Variants in STIM1 observed in about 807,000 individuals in gnomAD.
The protein encoded by STIM1 is stromal interaction molecule 1.
A neutral mutation model predicts 74.7 loss-of-function variants in STIM1; 25 were observed. The observed-to-expected ratio is 0.33, with a 90% CI of 0.24 to 0.47. STIM1 has a LOEUF of 0.47. STIM1 is among the 20% of genes least tolerant of loss of function. STIM1 has a pLI of 1.00. For synonymous variants in STIM1, 328 were observed against 348.8 expected (o/e 0.94, Z 0.66); for missense variants, 728 against 920.8 (o/e 0.79, Z 2.71).
At chr11:3,973,986 A>T in intron 2 of STIM1, 1 of 671,582 alleles carries the variant, frequency 1.5e-6, no homozygotes, top group Non-Finnish European at 2.7e-6. Flanking sequence ...TCTTCTCTTG[A>T]TACAGCTCTT....
At chr11:4,078,342 CTG>C (rs1565169278) in intron 7 of STIM1, among the ~76,000 whole-genome samples, 1 of 152,190 alleles carries the variant, frequency 6.6e-6, no homozygotes, top group African/African-American at 2.4e-5. Context: ...CCCTGAAAGA[CTG>C]TGAGAGATGC....
In STIM1 at chr11:4,093,062, C is replaced by A. The variant is rs538191029; in HGVS notation, c.*1264C>A. ...CTTTATCCTGGGATCCTATTTTGGG[C>A]CTGGGGTGGGTATACCTGGGGCTGG... is the stretch of plus-strand genomic sequence containing the variant. On this transcript the variant is annotated 3_prime_UTR_variant, in exon 13 of 13. Transcript: ENST00000526596. 4 of 151,850 alleles carry A rather than the reference C, an allele frequency of 2.6e-5. No individual in the cohort carries two copies. The highest frequency in any genetic ancestry group is 9.7e-5 in the African/African-American group (4 of 41,310). The allele number at this position is 151,850 out of a possible 1,614,324, so 9.4% of individuals were successfully genotyped here. A position where few individuals can be genotyped will look rare whatever the true frequency, so the allele number is the denominator to read the frequency against.
chr11:3,917,090 C>A (rs377102107), intron 1 of STIM1, among the ~76,000 whole-genome samples: 7 of 152,286 alleles, frequency 4.6e-5, no homozygotes, highest in South Asian at 2.1e-4. Context: ...GGATGCCAGT[C>A]AGTTGAGTGA....
chr11:4,004,397 A>G (rs1264909632), intron 2 of STIM1, among the ~76,000 whole-genome samples: 2 of 149,718 alleles, frequency 1.3e-5, no homozygotes, highest in Non-Finnish European at 3.0e-5. Context: ...GATGTAGATC[A>G]ATGGAACAGA....
rs546718533 is a variant in STIM1 at position 3,982,770 on chromosome 11, A to T, written c.270+15088A>T. 2.6e-5 allele frequency among the ~76,000 whole-genome samples: 4 copies of T among 152,306 alleles called. No homozygotes were observed. In the South Asian group the frequency reaches 8.3e-4, roughly 32 times the overall value. ...TATGGGGTTTTATACTACAATTAGT[A>T]TGTGAATTAAATCTCAATAAATATG... On this transcript the variant is annotated intron_variant, in intron 2 of 12. Transcript: ENST00000526596.
chr11:4,057,754 C>T (rs1014174240), intron 4 of STIM1, among the ~76,000 whole-genome samples: 2 of 151,840 alleles, frequency 1.3e-5, no homozygotes, highest in African/African-American at 4.8e-5. Flanking sequence ...CCTGTAGTCC[C>T]AGCTACTCGG....
intron 1 of STIM1, among the ~76,000 whole-genome samples, chr11:3,948,150 C>T (rs1565124770): frequency 6.6e-6 from 1 of 152,082 alleles, no homozygotes; most frequent in Admixed American, 6.6e-5. Context: ...ACTTATAGGG[C>T]GCGGAGTAGT....
intron 5 of STIM1, among the ~76,000 whole-genome samples, chr11:4,068,947 A>C (rs1355722821): frequency 2.0e-5 from 3 of 152,206 alleles, no homozygotes; most frequent in Non-Finnish European, 2.9e-5. Context: ...GGATCATGCC[A>C]GTCCTACCTC....
chr11:3,902,596 C>T (rs555415237), intron 1 of STIM1, among the ~76,000 whole-genome samples: 14 of 152,312 alleles, frequency 9.2e-5, no homozygotes, highest in African/African-American at 3.1e-4. Flanking sequence ...TGACAGGAGG[C>T]GGAGCTCAGG....
chr11:4,049,667 A>G (rs1357307821), intron 3 of STIM1: 1 of 150,446 alleles, frequency 6.6e-6, no homozygotes, highest in African/African-American at 2.5e-5. Context: ...CTCTGTATGA[A>G]GGCTTCCAGC....
chr11:4,071,896 AT>A (rs2094405963), intron 6 of STIM1, among the ~76,000 whole-genome samples: 1 of 152,136 alleles, frequency 6.6e-6, no homozygotes, highest in Non-Finnish European at 1.5e-5. Flanking sequence ...TAGCAGACTT[AT>A]TGGATTTATT....
intron 2 of STIM1, among the ~76,000 whole-genome samples, chr11:3,969,468 C>G (rs777270342): frequency 3.9e-5 from 6 of 152,128 alleles, no homozygotes; most frequent in Non-Finnish European, 8.8e-5. Context: ...GGCAACAGAG[C>G]AAGACCCTGT....
chr11:3,970,383 A>C (rs116525168), intron 2 of STIM1, among the ~76,000 whole-genome samples: 2 of 152,142 alleles, frequency 1.3e-5, no homozygotes, highest in Non-Finnish European at 2.9e-5. Flanking sequence ...AGAAAGTACC[A>C]AAATGTGTGT....
At chr11:3,962,292 C>G (rs2093294910) in intron 1 of STIM1, among the ~76,000 whole-genome samples, 2 of 152,104 alleles carry the variant, frequency 1.3e-5, no homozygotes, top group South Asian at 4.1e-4. Context: ...TCCATGTCCC[C>G]CTATACACAT....
At chr11:3,881,103 A>G (rs2091482296) in intron 1 of STIM1, among the ~76,000 whole-genome samples, 1 of 151,822 alleles carries the variant, frequency 6.6e-6, no homozygotes, top group Non-Finnish European at 1.5e-5. Flanking sequence ...AAAAAAAAAA[A>G]AAAAAGGAAA....
intron 1 of STIM1, among the ~76,000 whole-genome samples, chr11:3,962,338 G>A (rs1237404837): frequency 6.6e-6 from 1 of 152,074 alleles, no homozygotes; most frequent in Admixed American, 6.6e-5. Flanking sequence ...AATATGTGAT[G>A]TTTGATTTTC....
intron 1 of STIM1, among the ~76,000 whole-genome samples, chr11:3,940,466 A>C (rs546569830): frequency 2.6e-5 from 4 of 152,322 alleles, no homozygotes; most frequent in African/African-American, 9.6e-5. Context: ...TGGCAAGTTA[A>C]CATAATTCTC....
chr11:3,876,216 A>G (rs1590516284), intron 1 of STIM1, among the ~76,000 whole-genome samples: 1 of 152,224 alleles, frequency 6.6e-6, no homozygotes, highest in East Asian at 1.9e-4. Context: ...GGCTGGAGCC[A>G]ATTTGCTAGC....
intron 1 of STIM1, among the ~76,000 whole-genome samples, chr11:3,882,603 G>A (rs1324574807): frequency 6.6e-6 from 1 of 152,030 alleles, no homozygotes; most frequent in African/African-American, 2.4e-5. Context: ...AAAATAAAAA[G>A]AAAAAAGAAT....
Sources: allele counts gnomAD v4.1 joint callset (sites outside exome capture counted in the v4.1 genomes callset), GRCh38; gene constraint gnomAD v4.1.1; transcripts MANE v1.5; gene names NCBI Gene and HGNC (gene_info 2026-07-23, HGNC 2026-07-21).